Variants in DNAH17 observed in about 807,000 individuals in gnomAD.
DNAH17 encodes axonemal beta dynein heavy chain 17.
DNAH17 carries 376 observed loss-of-function variants against 485.6 expected under a neutral mutation model. The ratio of observed to expected loss-of-function variants is 0.77; its 90% confidence interval spans 0.71 to 0.84. DNAH17 has a LOEUF of 0.84. DNAH17 is among the 40% of genes least tolerant of loss of function. The probability of loss-of-function intolerance (pLI) is 0.00; values close to 1 mark genes in which losing one functional copy is unlikely to be tolerated. For missense variants in DNAH17, 6,370 were observed against 5,839.3 expected (o/e 1.09, Z -2.96); for synonymous variants, 3,031 against 2,405.9 (o/e 1.26, Z -7.60).
At chr17:78,564,717 G>A (rs2092232952) in intron 11 of DNAH17, among the ~76,000 whole-genome samples, 1 of 152,188 alleles carries the variant, frequency 6.6e-6, no homozygotes, top group Admixed American at 6.5e-5. Flanking sequence ...AGAAGCGCCT[G>A]CCCTGTGCTA....
At chr17:78,479,213 T>C in intron 50 of DNAH17, 97 bp from the exon 51 acceptor site, 1 of 1,256,850 alleles carries the variant, frequency 8.0e-7, no homozygotes, top group South Asian at 1.3e-5. Flanking sequence ...TACGAAATGG[T>C]GACAACTGGA....
chr17:78,525,198 A>T, intron 24 of DNAH17, 37 bp from the exon 25 acceptor site: 4 of 1,599,822 alleles, frequency 2.5e-6, no homozygotes, highest in Non-Finnish European at 3.4e-6. Flanking sequence ...AGGGCTACCT[A>T]CCCTCAGCGG....
At chr17:78,457,573 G>A (rs2087866927) in intron 62 of DNAH17, among the ~76,000 whole-genome samples, 6 of 150,818 alleles carry the variant, frequency 4.0e-5, no homozygotes, top group South Asian at 2.1e-4. Context: ...GAGATGGGGT[G>A]TCACTATGTT....
At chr17:78,568,348 G>A (rs1260678892) in intron 9 of DNAH17, among the ~76,000 whole-genome samples, 1 of 152,080 alleles carries the variant, frequency 6.6e-6, no homozygotes, top group Non-Finnish European at 1.5e-5. Context: ...CCCCCAGGAG[G>A]TGTAGAAGAG....
chr17:78,537,609 G>GACACGAGCTCTCAGA, intron 18 of DNAH17, 128 bp from the exon 19 acceptor site: 1 of 1,139,042 alleles, frequency 8.8e-7, no homozygotes. Flanking sequence ...AAGCTTCTGA[G>GACACGAGCTCTCAGA]AGCTCGTGTC....
intron 1 of DNAH17, among the ~76,000 whole-genome samples, chr17:78,575,786 G>A (rs532914316): frequency 6.6e-6 from 1 of 152,306 alleles, no homozygotes; most frequent in East Asian, 1.9e-4. Context: ...TTAGGCAAGT[G>A]AGGTACTTAC....
At chr17:78,544,045 T>C (rs2091681815) in intron 16 of DNAH17, 48 bp from the exon 17 acceptor site, 13 of 1,612,158 alleles carry the variant, frequency 8.1e-6, no homozygotes, top group Non-Finnish European at 1.1e-5. Context: ...GAGAAACTGC[T>C]TTCAGTCGCA....
At chr17:78,438,964 T>C in intron 73 of DNAH17, 126 bp downstream of exon 73, 1 of 1,384,096 alleles carries the variant, frequency 7.2e-7, no homozygotes, top group Non-Finnish European at 9.6e-7. Context: ...TCAGTGGTGT[T>C]AGGATTTCCA....
chr17:78,572,553 T>A, intron 3 of DNAH17, 148 bp downstream of exon 3: 2 of 772,878 alleles, frequency 2.6e-6, no homozygotes, highest in Non-Finnish European at 4.1e-6. Flanking sequence ...ACGCACCACC[T>A]TGCCCTGCAT....
intron 74 of DNAH17, among the ~76,000 whole-genome samples, chr17:78,436,468 T>C (rs2086853001): frequency 1.3e-5 from 2 of 151,656 alleles, no homozygotes; most frequent in African/African-American, 4.8e-5. Context: ...AGTTCTAGGC[T>C]CCACTTGGGA....
chr17:78,571,797 G>C lies in DNAH17; in HGVS notation c.540-15C>G, dbSNP rs185012985. 1 of 1,561,162 alleles carries C rather than the reference G, an allele frequency of 6.4e-7. No homozygotes were observed. The highest frequency in any genetic ancestry group is 1.2e-5 in the South Asian group (1 of 81,504). On this transcript the variant is annotated splice_polypyrimidine_tract_variant and intron_variant, in intron 3 of 80. Transcript: ENST00000389840. ...AAGAGGGGATCCTGCCCAGTGGAAG[G>C]TTGGGGCATTGCTCTCATGGCGACA... is the stretch of plus-strand genomic sequence containing the variant.
chr17:78,457,329 C>A (rs1046193482), intron 62 of DNAH17, among the ~76,000 whole-genome samples: 8 of 152,112 alleles, frequency 5.3e-5, no homozygotes, highest in Non-Finnish European at 1.2e-4. Flanking sequence ...CAAGATCGTG[C>A]CACTGTACTG....
At position 78,510,168 on chromosome 17, in the gene DNAH17, A is replaced by T. The variant is rs187554271; in HGVS notation, c.4236+216T>A. 3.0e-3 allele frequency among the ~76,000 whole-genome samples: 456 copies of T among 152,290 alleles called. 3 individuals are homozygous for T. Among genetic ancestry groups the T allele is most frequent in the Non-Finnish European group, 2.2e-3 (151 of 68,024 alleles). On this transcript the variant is annotated intron_variant, in intron 27 of 80. Transcript: ENST00000389840. Reference sequence around the variant, plus strand: ...CTGCACTCCAGCCTGGGCAACAGAGAGAGACTCTGTCTCAAAAACAATAAA... The same window carrying T: ...CTGCACTCCAGCCTGGGCAACAGAGTGAGACTCTGTCTCAAAAACAATAAA...
At chr17:78,439,352 T>C in intron 72 of DNAH17, 135 bp from the exon 73 acceptor site, 1 of 1,095,502 alleles carries the variant, frequency 9.1e-7, no homozygotes, top group Non-Finnish European at 1.3e-6. Context: ...ACATAAAACT[T>C]GCTGTTTTAA....
chr17:78,472,280 G>GAGGGTT lies in DNAH17; in HGVS notation c.8511+2992_8511+2997dup, dbSNP rs1275771890. 4.5e-4 allele frequency among the ~76,000 whole-genome samples: 65 copies of GAGGGTT among 144,696 alleles called. 1 individual carries two copies. The highest frequency in any genetic ancestry group is 7.7e-4 in the Non-Finnish European group (52 of 67,214). 94.9% of individuals were successfully genotyped at this position (144,696 alleles called of 152,430 possible). On this transcript the variant is annotated intron_variant, in intron 54 of 80. Coordinates refer to ENST00000389840, the MANE Select transcript of DNAH17 (RefSeq NM_173628.4). ...GGTTAGGGTTAGGGAGTAGGGGTGCGAGGGTTAGGGTTAGGGAGTGGGGGT... is the reference window on the plus strand; with the variant it reads ...GGTTAGGGTTAGGGAGTAGGGGTGCGAGGGTTAGGGTTAGGGTTAGGGAGTGGGGGT...
chr17:78,450,928 C>A (rs1046877978), intron 66 of DNAH17, 82 bp from the exon 67 acceptor site: 34 of 1,547,588 alleles, frequency 2.2e-5, no homozygotes, highest in Non-Finnish European at 2.9e-5. Context: ...GGCCATGTAG[C>A]TGAGCCAAGG....
intron 54 of DNAH17, among the ~76,000 whole-genome samples, chr17:78,470,902 T>C (rs531995423): frequency 3.9e-4 from 59 of 152,280 alleles, no homozygotes; most frequent in African/African-American, 1.4e-3. Context: ...GATGGTTTCA[T>C]AGGAATTTTG....
rs1039473366 is a variant in DNAH17 at position 78,429,031 on chromosome 17, A to G, written c.12405+90T>C. The G allele has an allele frequency of 6.3e-6, 9 of 1,433,280 alleles. No homozygotes were observed. In the Admixed American group the frequency reaches 7.6e-5, roughly 12 times the overall value. 88.8% of individuals were successfully genotyped at this position (1,433,280 alleles called of 1,614,324 possible). A position where few individuals can be genotyped will look rare whatever the true frequency, so the allele number is the denominator to read the frequency against. The stretch of plus-strand genomic sequence containing the variant: ...TTTTGGCTGCCTGGGTTCTTGCTCA[A>G]TTATTGACACTCCATTTGTGCTGGC... On this transcript the variant is annotated intron_variant, in intron 76 of 80. Coordinates refer to ENST00000389840, the MANE Select transcript of DNAH17 (RefSeq NM_173628.4).
chr17:78,497,277 G>A (rs1262105358), intron 37 of DNAH17, among the ~76,000 whole-genome samples: 5 of 152,122 alleles, frequency 3.3e-5, no homozygotes, highest in Non-Finnish European at 7.4e-5. Context: ...GTCACCACTT[G>A]AGGGGGCCCA....
Sources: allele counts gnomAD v4.1 joint callset (sites outside exome capture counted in the v4.1 genomes callset), GRCh38; gene constraint gnomAD v4.1.1; transcripts MANE v1.5; gene names NCBI Gene and HGNC (gene_info 2026-07-23, HGNC 2026-07-21).